The following KLHL32 variants were observed in gnomAD, a reference collection of about 807,000 sequenced individuals.
KLHL32 encodes the protein kelch-like protein 32.
KLHL32 carries 35 observed loss-of-function variants against 64.8 expected under a neutral mutation model. The observed-to-expected ratio is 0.54, with a 90% CI of 0.41 to 0.72. KLHL32 has a LOEUF of 0.72. KLHL32 is among the 30% of genes least tolerant of loss of function. KLHL32 has a pLI of 0.00. For missense variants in KLHL32, 589 were observed against 768.5 expected, an observed-to-expected ratio of 0.77 and a Z score of 2.76; for synonymous variants, 259 against 281.0, an observed-to-expected ratio of 0.92 and a Z score of 0.78.
chr6:97,133,151 C>T (rs1799622653), intron 10 of KLHL32, among the ~76,000 whole-genome samples: 1 of 152,138 alleles, frequency 6.6e-6, no homozygotes, highest in South Asian at 2.1e-4. Context: ...CCACAAATGC[C>T]ACCTACAAGG....
At chr6:97,039,215 G>T (rs190244831) in intron 3 of KLHL32, among the ~76,000 whole-genome samples, 1 of 152,124 alleles carries the variant, frequency 6.6e-6, no homozygotes, top group African/African-American at 2.4e-5. Flanking sequence ...ATAAAAAAAT[G>T]AAATCCTGTC....
chr6:97,098,565 A>G (rs1415078033), intron 6 of KLHL32, among the ~76,000 whole-genome samples: 1 of 152,192 alleles, frequency 6.6e-6, no homozygotes, highest in Non-Finnish European at 1.5e-5. Context: ...TTGTTTTTTA[A>G]TAGTAAAGAG....
At chr6:97,061,996 A>G (rs1373782732) in intron 4 of KLHL32, among the ~76,000 whole-genome samples, 2 of 152,212 alleles carry the variant, frequency 1.3e-5, no homozygotes. Context: ...CCAACCCTTT[A>G]AGAGCACTTA....
At chr6:96,972,126 A>G (rs1775181879) in intron 2 of KLHL32, among the ~76,000 whole-genome samples, 1 of 152,218 alleles carries the variant, frequency 6.6e-6, no homozygotes, top group African/African-American at 2.4e-5. Context: ...TGCTGGTATT[A>G]CAGGTGTGAG....
At chr6:97,053,690 C>G (rs1787321274) in intron 4 of KLHL32, among the ~76,000 whole-genome samples, 1 of 151,586 alleles carries the variant, frequency 6.6e-6, no homozygotes, top group African/African-American at 2.4e-5. Context: ...AACTTCTTTT[C>G]TGGAATTAGG....
Position 97,097,685 on chromosome 6 carries a change from A to T in KLHL32, c.627+12344A>T, listed in dbSNP as rs1423746989. ...CTCAAAGGCACAACACATCTAGAAG[A>T]GCATTTTGCTTTCATTTTCACTTAA... On this transcript the variant is annotated intron_variant, in intron 6 of 10. Coordinates refer to ENST00000369261, the MANE Select transcript of KLHL32 (RefSeq NM_052904.4). 2.6e-5 allele frequency among the ~76,000 whole-genome samples: 4 copies of T among 151,940 alleles called. No individual in the cohort carries two copies. In the South Asian group the frequency reaches 8.3e-4, roughly 32 times the overall value.
At chr6:97,115,873 T>C (rs1479583655) in intron 7 of KLHL32, among the ~76,000 whole-genome samples, 1 of 152,216 alleles carries the variant, frequency 6.6e-6, no homozygotes, top group East Asian at 1.9e-4. Flanking sequence ...GAAGAAATCA[T>C]TACTTTTAAG....
chr6:96,944,482 A>G (rs1044106489), intron 1 of KLHL32, among the ~76,000 whole-genome samples: 4 of 152,210 alleles, frequency 2.6e-5, no homozygotes, highest in Non-Finnish European at 5.9e-5. Context: ...ACATAACTTA[A>G]TAACTTAATA....
intron 6 of KLHL32, among the ~76,000 whole-genome samples, chr6:97,092,425 T>G (rs1794395686): frequency 6.6e-6 from 1 of 152,216 alleles, no homozygotes; most frequent in Non-Finnish European, 1.5e-5. Context: ...GGTCCCAACT[T>G]ACAAATTTGT....
intron 5 of KLHL32, among the ~76,000 whole-genome samples, chr6:97,066,556 T>G (rs1462512064): frequency 6.6e-6 from 1 of 152,240 alleles, no homozygotes; most frequent in African/African-American, 2.4e-5. Context: ...CACTGACTTT[T>G]CACAAATGTT....
At chr6:96,930,124 G>C (rs970723024) in intron 1 of KLHL32, among the ~76,000 whole-genome samples, 1 of 152,026 alleles carries the variant, frequency 6.6e-6, no homozygotes, top group African/African-American at 2.4e-5. Flanking sequence ...GATGGAAAAA[G>C]AAGTCCCATC....
At chr6:97,067,891 A>G (rs1236413220) in intron 5 of KLHL32, among the ~76,000 whole-genome samples, 1 of 152,078 alleles carries the variant, frequency 6.6e-6, no homozygotes, top group Non-Finnish European at 1.5e-5. Context: ...CAGAGTTTTC[A>G]TATTGGGACT....
chr6:96,923,675 T>TC (rs1768838141), upstream of KLHL32, among the ~76,000 whole-genome samples: 1 of 152,192 alleles, frequency 6.6e-6, no homozygotes, highest in Non-Finnish European at 1.5e-5. Context: ...AGGGCACTGT[T>TC]CCTAGCCCAA....
chr6:96,924,897 A>G lies in KLHL32; in HGVS notation c.-195A>G, dbSNP rs952534263. ...CGCTACTGCATCCCCGAACCAGCAG[A>G]GCGAAGCTACTGCGGGTTCTGTTAA... On this transcript the variant is annotated 5_prime_UTR_variant, in exon 1 of 11. Coordinates refer to ENST00000369261, the MANE Select transcript of KLHL32 (RefSeq NM_052904.4). 5.9e-5 allele frequency: 9 copies of G among 152,388 alleles called. No individual in the cohort carries two copies. Among genetic ancestry groups the G allele is most frequent in the African/African-American group, 2.2e-4 (9 of 41,428 alleles). The allele number at this position is 152,388 out of a possible 1,614,324, so 9.4% of individuals were successfully genotyped here.
chr6:97,008,689 C>T (rs1168921269), intron 3 of KLHL32, among the ~76,000 whole-genome samples: 2 of 152,112 alleles, frequency 1.3e-5, no homozygotes, highest in African/African-American at 2.4e-5. Context: ...GTTCATCTCA[C>T]TCCTTCCCCA....
intron 1 of KLHL32, among the ~76,000 whole-genome samples, 170 bp from the exon 2 acceptor site, chr6:96,966,826 A>G (rs960859322): frequency 2.0e-5 from 3 of 152,252 alleles, no homozygotes; most frequent in African/African-American, 7.2e-5. Flanking sequence ...AAAAATATCC[A>G]GAACAATTAC....
intron 1 of KLHL32, among the ~76,000 whole-genome samples, chr6:96,957,612 G>A (rs923061905): frequency 6.6e-6 from 1 of 152,042 alleles, no homozygotes; most frequent in African/African-American, 2.4e-5. Flanking sequence ...TGTTATAATT[G>A]CAGGTTAGGT....
At chr6:97,009,183 T>G (rs995865509) in intron 3 of KLHL32, among the ~76,000 whole-genome samples, 1 of 151,402 alleles carries the variant, frequency 6.6e-6, no homozygotes, top group Non-Finnish European at 1.5e-5. Flanking sequence ...ACTGATGGTT[T>G]ACTAGTATTG....
chr6:97,072,594 G>A (rs187271095), intron 5 of KLHL32, among the ~76,000 whole-genome samples: 6 of 145,350 alleles, frequency 4.1e-5, no homozygotes, highest in African/African-American at 1.3e-4. Context: ...TACTACCCAT[G>A]TGCAATGCCT....
Sources: allele counts gnomAD v4.1 joint callset (sites outside exome capture counted in the v4.1 genomes callset), GRCh38; gene constraint gnomAD v4.1.1; transcripts MANE v1.5; gene names NCBI Gene and HGNC (gene_info 2026-07-23, HGNC 2026-07-21).